The following PDE4DIP variants were observed in gnomAD, a reference collection of about 807,000 sequenced individuals.
PDE4DIP encodes the protein phosphodiesterase 4D interacting protein.
PDE4DIP carries 59 observed loss-of-function variants against 221.4 expected under a neutral mutation model. The observed-to-expected ratio is 0.27, with a 90% CI of 0.22 to 0.33. The LOEUF (loss-of-function observed/expected upper bound fraction) is 0.33, where lower values mean the gene tolerates loss of function less well. Ranked by LOEUF, PDE4DIP falls within the 10% of genes least tolerant of loss-of-function variation. The pLI, the probability that PDE4DIP is intolerant of heterozygous loss-of-function variation, is 1.00. For missense variants in PDE4DIP, 1,036 were observed against 2,154.2 expected, an observed-to-expected ratio of 0.48 and a Z score of 10.28; for synonymous variants, 404 against 815.9, an observed-to-expected ratio of 0.50 and a Z score of 8.60.
chr1:148,983,891 A>G lies in PDE4DIP; in HGVS notation c.2815+2494A>G, dbSNP rs587716575. On this transcript the variant is annotated intron_variant, in intron 21 of 43. Transcript: ENST00000369354. Reference sequence around the variant, plus strand: ...ATTGAGAAAAAAATCCATATGATAGATTTTGTTTTTCTCATGCTTCCCTTT... The same window carrying G: ...ATTGAGAAAAAAATCCATATGATAGGTTTTGTTTTTCTCATGCTTCCCTTT... 3.3e-5 allele frequency: 5 copies of G among 152,192 alleles called. No individual in the cohort carries two copies. The East Asian group carries it at 9.6e-4, about 29-fold the overall frequency. The allele number at this position is 152,192 out of a possible 1,614,324, so 9.4% of individuals were successfully genotyped here.
In PDE4DIP at chr1:148,996,518, A is replaced by G. The variant is rs587748080; in HGVS notation, c.2905-1625A>G. Reference sequence around the variant, plus strand: ...AGCCTCCCAAATCTCAGGCTCACAAAGTCCAAGTAAGATTGGGTGCCTGGG... The same window carrying G: ...AGCCTCCCAAATCTCAGGCTCACAAGGTCCAAGTAAGATTGGGTGCCTGGG... On this transcript the variant is annotated intron_variant, in intron 22 of 43. Coordinates refer to ENST00000369354, the Ensembl canonical transcript of PDE4DIP. Among the ~76,000 whole-genome samples the G allele has an allele frequency of 2.0e-5, 3 of 152,260 alleles. No individual in the cohort carries two copies. The East Asian group carries it at 5.8e-4, about 29-fold the overall frequency.
chr1:148,988,809 CAAAT>C (rs1553553057), intron 21 of PDE4DIP, among the ~76,000 whole-genome samples: 1 of 107,384 alleles, frequency 9.3e-6, no homozygotes, highest in African/African-American at 3.1e-5. Flanking sequence ...ATTGAAGCCT[CAAAT>C]AAAAGTTTTT....
At chr1:148,885,293 A>ACATT (rs1460151179), upstream of PDE4DIP, among the ~76,000 whole-genome samples, 31 of 151,900 alleles carry the variant, frequency 2.0e-4, no homozygotes, top group Admixed American at 1.4e-3. Context: ...CAAGAAGGTG[A>ACATT]CATTCAATCA....
At chr1:149,001,242 T>A (rs1230440475) in intron 23 of PDE4DIP, among the ~76,000 whole-genome samples, 3 of 150,568 alleles carry the variant, frequency 2.0e-5, no homozygotes, top group Non-Finnish European at 4.5e-5. Flanking sequence ...ACAGAAAAGG[T>A]CTTATTTTTT....
At chr1:148,891,900 T>C (rs1698620761) in intron 1 of PDE4DIP, among the ~76,000 whole-genome samples, 1 of 43,936 alleles carries the variant, frequency 2.3e-5, no homozygotes, top group Non-Finnish European at 3.9e-5. Context: ...GTAGGAATAG[T>C]GGATGGATTT....
At chr1:148,870,854 C>T (rs1689083341) in intron 3 of PDE4DIP, among the ~76,000 whole-genome samples, 1 of 146,938 alleles carries the variant, frequency 6.8e-6, no homozygotes, top group Non-Finnish European at 1.5e-5. Context: ...ATTCCTATGC[C>T]CTACCCTAAA....
At chr1:148,947,129 ATTGAT>A (rs1377127303) in intron 5 of PDE4DIP, among the ~76,000 whole-genome samples, 23 of 152,314 alleles carry the variant, frequency 1.5e-4, no homozygotes, top group East Asian at 1.2e-3. Flanking sequence ...TTGCTCATTG[ATTGAT>A]TTAACAAATA....
chr1:149,014,092 CT>C (rs1226567628), intron 32 of PDE4DIP, among the ~76,000 whole-genome samples: 1 of 150,594 alleles, frequency 6.6e-6, no homozygotes, highest in Non-Finnish European at 1.5e-5. Flanking sequence ...CCAGCTTAGC[CT>C]ATTTATTTTG....
intron 1 of PDE4DIP, among the ~76,000 whole-genome samples, chr1:148,821,518 A>T (rs1252482855): frequency 7.3e-5 from 11 of 150,582 alleles, no homozygotes; most frequent in African/African-American, 2.0e-4. Flanking sequence ...TTTTAAAAAA[A>T]TTTCGTTAGA....
intron 1 of PDE4DIP, among the ~76,000 whole-genome samples, chr1:148,828,620 C>G (rs1553366944): frequency 1.3e-5 from 2 of 151,586 alleles, no homozygotes; most frequent in African/African-American, 4.8e-5. Context: ...ATGTTCAAAT[C>G]AAGGAGAATT....
At chr1:148,912,183 C>T (rs1318833926) in intron 1 of PDE4DIP, among the ~76,000 whole-genome samples, 1 of 145,636 alleles carries the variant, frequency 6.9e-6, no homozygotes, top group Non-Finnish European at 1.5e-5. Flanking sequence ...CTAGGTTTAC[C>T]TTCACAGCAT....
rs2064411590 is a variant in PDE4DIP, at chr1:148,997,057, A to T, written c.2905-1086A>T. 3.9e-5 allele frequency among the ~76,000 whole-genome samples: 6 copies of T among 152,390 alleles called. No individual in the cohort carries two copies. The South Asian group carries it at 1.2e-3, about 32-fold the overall frequency. On this transcript the variant is annotated intron_variant, in intron 22 of 43. Coordinates refer to ENST00000369354, the Ensembl canonical transcript of PDE4DIP. ...GTGGAAAATTCAGAGGCCAAAATTGACCCAAAGTTAAGTAAAAGCTCCAAA... is the reference window on the plus strand; with the variant it reads ...GTGGAAAATTCAGAGGCCAAAATTGTCCCAAAGTTAAGTAAAAGCTCCAAA...
intron 4 of PDE4DIP, among the ~76,000 whole-genome samples, chr1:148,932,898 T>C (rs1553472021): frequency 1.3e-5 from 2 of 152,160 alleles, no homozygotes; most frequent in South Asian, 2.1e-4. Context: ...TAAATGGGAT[T>C]AATACGCTTG....
At chr1:149,029,710 G>T (rs1387711917) in intron 41 of PDE4DIP, 77 bp from the exon 45 acceptor site, 8 of 766,964 alleles carry the variant, frequency 1.0e-5, no homozygotes, top group East Asian at 9.9e-5. Flanking sequence ...ATCCTTCTTT[G>T]AATTGGAAAG....
At chr1:149,020,645 A>G (rs587652427) in intron 36 of PDE4DIP, 1 of 366,274 alleles carries the variant, frequency 2.7e-6, no homozygotes, top group Non-Finnish European at 5.0e-6. Flanking sequence ...GATATAGGAC[A>G]TTAGTCTCAC....
At chr1:148,946,367 AAAAT>A (rs1319298307) in intron 5 of PDE4DIP, among the ~76,000 whole-genome samples, 4 of 135,456 alleles carry the variant, frequency 3.0e-5, no homozygotes, top group African/African-American at 8.5e-5. Context: ...TCTATTGAAA[AAAAT>A]AAATAAATAA....
intron 37 of PDE4DIP, 92 bp downstream of exon 40, chr1:149,021,245 G>A (rs2072761086): frequency 5.1e-6 from 4 of 778,502 alleles, no homozygotes; most frequent in Non-Finnish European, 8.3e-6. Flanking sequence ...GAGATCATGG[G>A]AAGCTACAGA....
chr1:149,009,636 C>T (rs1553602946), exon 30 of PDE4DIP: 1 of 1,614,006 alleles, frequency 6.2e-7, no homozygotes. Flanking sequence ...GATGCTCGGT[C>T]CCTCACACCC....
chr1:148,929,418 T>C (rs1432867990), intron 2 of PDE4DIP, 145 bp downstream of exon 5: 3 of 1,221,736 alleles, frequency 2.5e-6, no homozygotes, highest in East Asian at 2.7e-5. Context: ...GATTTTCATA[T>C]GCTGTGTTTC....
Sources: allele counts gnomAD v4.1 joint callset (sites outside exome capture counted in the v4.1 genomes callset), GRCh38; gene constraint gnomAD v4.1.1; transcripts MANE v1.5; gene names NCBI Gene and HGNC (gene_info 2026-07-23, HGNC 2026-07-21).